KSR2: variants seen among roughly 807,000 people sequenced by gnomAD.
The protein encoded by KSR2 is kinase suppressor of ras 2.
A neutral mutation model predicts 107.8 loss-of-function variants in KSR2; 25 were observed. The observed-to-expected ratio is 0.23, with a 90% confidence interval of 0.17 to 0.32. KSR2 has a LOEUF of 0.32. Among genes scored for constraint, KSR2 ranks in the 10% least tolerant of loss-of-function variants. The probability of loss-of-function intolerance (pLI) is 1.00; values close to 1 mark genes in which losing one functional copy is unlikely to be tolerated. For synonymous variants in KSR2, 480 were observed against 507.0 expected (o/e 0.95, Z 0.71); for missense variants, 887 against 1,268.9 (o/e 0.70, Z 4.57).
chr12:117,591,092 G>A (rs574244298), intron 5 of KSR2, among the ~76,000 whole-genome samples: 1 of 152,284 alleles, frequency 6.6e-6, no homozygotes, highest in South Asian at 2.1e-4. Flanking sequence ...AGCCAGAAAA[G>A]GAGGACATGC....
In KSR2 at chr12:117,855,286, G is replaced by A; in HGVS notation, c.472+142C>T. 10 of 1,048,638 alleles carry A rather than the reference G, an allele frequency of 9.5e-6. 1 individual carries two copies. The South Asian group carries it at 1.2e-4, about 13-fold the overall frequency. The allele number at this position is 1,048,638 out of a possible 1,614,324, so 65.0% of individuals were successfully genotyped here. On this transcript the variant is annotated intron_variant, in intron 3 of 19. Coordinates refer to ENST00000339824, the MANE Select transcript of KSR2 (RefSeq NM_173598.6). ...GGCCTCCAAATCCCAGGTCCACGCTGCCTCTTCCTGCGTTTCGGATTTGCC... is the reference window on the plus strand; with the variant it reads ...GGCCTCCAAATCCCAGGTCCACGCTACCTCTTCCTGCGTTTCGGATTTGCC...
At chr12:117,471,071 T>C (rs1241460260) in intron 18 of KSR2, 120 bp downstream of exon 18, 1 of 1,235,904 alleles carries the variant, frequency 8.1e-7, no homozygotes, top group South Asian at 1.7e-5. Context: ...TTGGAATGCA[T>C]ATTTTTTTGG....
chr12:117,966,311 T>G (rs1162398130), intron 1 of KSR2, among the ~76,000 whole-genome samples: 1 of 152,174 alleles, frequency 6.6e-6, no homozygotes, highest in Non-Finnish European at 1.5e-5. Flanking sequence ...GTGGCTTTTT[T>G]GGGGTTATTT....
At chr12:117,718,995 T>C (rs995437460) in intron 4 of KSR2, among the ~76,000 whole-genome samples, 3 of 152,174 alleles carry the variant, frequency 2.0e-5, no homozygotes, top group African/African-American at 7.2e-5. Context: ...TCTGTTTAGG[T>C]GGACTTCAAA....
rs1870812043 is a variant in KSR2 at position 117,460,012 on chromosome 12, G to T, written c.*7187C>A. 1 of 152,198 alleles carries T rather than the reference G, an allele frequency of 6.6e-6. No individual in the cohort carries two copies. The highest frequency in any genetic ancestry group is 1.5e-5 in the Non-Finnish European group (1 of 68,042). The allele number at this position is 152,198 out of a possible 1,614,324, so 9.4% of individuals were successfully genotyped here. A position where few individuals can be genotyped will look rare whatever the true frequency, so the allele number is the denominator to read the frequency against. On this transcript the variant is annotated 3_prime_UTR_variant, in exon 20 of 20. Coordinates refer to ENST00000339824, the MANE Select transcript of KSR2 (RefSeq NM_173598.6). ...CATTTAGAGATTCAACCACACAATA[G>T]TGTCTTAAAAGTTCTGATAAGTCCT...
chr12:117,717,710 T>TGCGC (rs1437214692), intron 4 of KSR2, among the ~76,000 whole-genome samples: 6 of 129,876 alleles, frequency 4.6e-5, no homozygotes, highest in African/African-American at 1.9e-4. Context: ...TGTGTGTGTG[T>TGCGC]GTGCATGCGC....
chr12:117,732,464 A>G (rs1050166055), intron 4 of KSR2, among the ~76,000 whole-genome samples: 1 of 151,808 alleles, frequency 6.6e-6, no homozygotes, highest in Admixed American at 6.6e-5. Flanking sequence ...AATTTTTTGT[A>G]TTTTTAGTAG....
At position 117,456,969 on chromosome 12, in the gene KSR2, C is replaced by A. The variant is rs1423650035; in HGVS notation, c.*10230G>T. ...TTCACTATCTGGGAGACTTTCCTTC[C>A]TGGGGAATACAGAAGGGCTTTCCCT... On this transcript the variant is annotated 3_prime_UTR_variant, in exon 20 of 20. Transcript: ENST00000339824. 6.6e-6 allele frequency: 1 copy of A among 152,186 alleles called. No individual in the cohort carries two copies. The highest frequency in any genetic ancestry group is 1.5e-5 in the Non-Finnish European group (1 of 68,044). The allele number at this position is 152,186 out of a possible 1,614,324, so 9.4% of individuals were successfully genotyped here. A position where few individuals can be genotyped will look rare whatever the true frequency, so the allele number is the denominator to read the frequency against.
chr12:117,916,972 C>A (rs1895196905), intron 1 of KSR2, among the ~76,000 whole-genome samples: 1 of 152,172 alleles, frequency 6.6e-6, no homozygotes, highest in Non-Finnish European at 1.5e-5. Context: ...CATGGGTTTT[C>A]AACCTGGGCC....
chr12:117,621,048 C>G (rs1212228899), intron 5 of KSR2, among the ~76,000 whole-genome samples: 1 of 152,076 alleles, frequency 6.6e-6, no homozygotes, highest in Non-Finnish European at 1.5e-5. Flanking sequence ...GTGTCCCCAC[C>G]CAAATCTCAT....
At chr12:117,639,628 C>T (rs113301934) in intron 5 of KSR2, among the ~76,000 whole-genome samples, 544 of 52,192 alleles carry the variant, frequency 0.01, 4 homozygotes, top group African/African-American at 0.036. Context: ...CCGCACCCAG[C>T]GTATTATTAT....
At chr12:117,799,688 C>A (rs1324887865) in intron 3 of KSR2, among the ~76,000 whole-genome samples, 1 of 152,170 alleles carries the variant, frequency 6.6e-6, no homozygotes, top group African/African-American at 2.4e-5. Flanking sequence ...TCACTTCAAG[C>A]TGAGTGACCT....
Position 117,916,499 on chromosome 12 carries a change from GATC to G in KSR2, c.180+51574_180+51576del, listed in dbSNP as rs993303580. Among the ~76,000 whole-genome samples, 31 of 152,182 alleles carry G rather than the reference GATC, an allele frequency of 2.0e-4. 2 individuals are homozygous for G. Among genetic ancestry groups the G allele is most frequent in the Admixed American group, 1.3e-4 (2 of 15,284 alleles). On this transcript the variant is annotated intron_variant, in intron 1 of 19. Transcript: ENST00000339824. Reference sequence around the variant, plus strand: ...TGGAACACAGTATATGCACTTGCTGGATCATCTGGATGCCTGCTTTATAAAGCA... The same window carrying G: ...TGGAACACAGTATATGCACTTGCTGGATCTGGATGCCTGCTTTATAAAGCA...
At chr12:117,853,592 T>C (rs1228212821) in intron 3 of KSR2, among the ~76,000 whole-genome samples, 5 of 152,070 alleles carry the variant, frequency 3.3e-5, no homozygotes, top group Non-Finnish European at 7.4e-5. Flanking sequence ...TTCTCCCACC[T>C]TGGCCTCCCA....
chr12:117,597,424 G>T (rs1880711111), intron 5 of KSR2, among the ~76,000 whole-genome samples: 1 of 152,304 alleles, frequency 6.6e-6, no homozygotes, highest in East Asian at 1.9e-4. Context: ...ATCCAGGTGA[G>T]CCTGAGATAT....
intron 1 of KSR2, among the ~76,000 whole-genome samples, chr12:117,952,154 A>ATCAC (rs1329278836): frequency 9.6e-6 from 1 of 103,786 alleles, no homozygotes; most frequent in Non-Finnish European, 2.0e-5. Context: ...AAATGTTCTC[A>ATCAC]TCACACACAC....
chr12:117,795,243 C>T (rs1566019900), intron 3 of KSR2, among the ~76,000 whole-genome samples: 2 of 152,138 alleles, frequency 1.3e-5, no homozygotes, highest in African/African-American at 4.8e-5. Flanking sequence ...CTGTACACTT[C>T]AGGGATGATG....
intron 3 of KSR2, among the ~76,000 whole-genome samples, chr12:117,773,683 T>C (rs1450475363): frequency 1.3e-5 from 2 of 152,224 alleles, no homozygotes; most frequent in Non-Finnish European, 2.9e-5. Flanking sequence ...AACTTTTAGA[T>C]GCTGGCTGAA....
chr12:117,562,635 A>G (rs942273339), intron 7 of KSR2, among the ~76,000 whole-genome samples: 3 of 152,186 alleles, frequency 2.0e-5, no homozygotes, highest in Non-Finnish European at 2.9e-5. Flanking sequence ...GACCACTGCT[A>G]ACCCAAGACA....
Sources: gnomAD v4.1 joint callset for allele counts (sites outside exome capture counted in the v4.1 genomes callset) on GRCh38, gnomAD v4.1.1 for gene constraint, MANE v1.5 for transcripts, NCBI Gene and HGNC (gene_info 2026-07-23, HGNC 2026-07-21) for gene names.